Variants in ANKHD1 observed in about 807,000 individuals in gnomAD.
The protein encoded by ANKHD1 is ankyrin repeat and KH domain containing 1.
In ANKHD1, 31 loss-of-function variants were observed where a neutral mutation model predicts 230.5. That is an observed-to-expected ratio of 0.13 (90% confidence interval 0.10 to 0.18). The LOEUF (loss-of-function observed/expected upper bound fraction) is 0.18, where lower values mean the gene tolerates loss of function less well. ANKHD1 is among the 10% of genes least tolerant of loss of function. ANKHD1 has a pLI of 1.00. For missense variants in ANKHD1, 2,256 were observed against 3,071.3 expected (o/e 0.73, Z 6.27); for synonymous variants, 1,074 against 1,117.6 (o/e 0.96, Z 0.78).
chr5:140,468,444 A>G (rs1283229717), intron 10 of ANKHD1, among the ~76,000 whole-genome samples: 2 of 152,084 alleles, frequency 1.3e-5, no homozygotes, highest in African/African-American at 4.8e-5. Flanking sequence ...GGTAATTTAG[A>G]CATGGGTACA....
At chr5:140,451,755 G>T (rs1351655184) in intron 7 of ANKHD1, among the ~76,000 whole-genome samples, 2 of 152,090 alleles carry the variant, frequency 1.3e-5, no homozygotes, top group African/African-American at 2.4e-5. Flanking sequence ...CTATCTGTCT[G>T]CCTCAACTTC....
Position 140,472,182 on chromosome 5 carries a change from A to G in ANKHD1, c.1782+7406A>G. On this transcript the variant is annotated intron_variant, in intron 10 of 33. Coordinates refer to ENST00000360839, the MANE Select transcript of ANKHD1 (RefSeq NM_017747.3). ...TATCGGTCACAAGGTCTTCATGGCC[A>G]AATGTGATTTTCGTTTTTGGAATAA... 3 of 1,526,548 alleles carry G rather than the reference A, an allele frequency of 2.0e-6. No homozygotes were observed. The South Asian group carries it at 3.4e-5, about 17-fold the overall frequency. The allele number at this position is 1,526,548 out of a possible 1,614,324, so 94.6% of individuals were successfully genotyped here.
At position 140,449,249 on chromosome 5, in the gene ANKHD1, G is replaced by A. The variant is rs1351588092; in HGVS notation, c.1186G>A (p.Ala396Thr). ...GGTTCGCTTTCTACTTGAAGCTGGT[G>A]CAGATCAAGAGCACAAAACAGATGA... is the stretch of plus-strand genomic sequence containing the variant. The part of the protein sequence containing the change: ...DMVRFLLEAG[A>T]DQEHKTDEMH... Residue 396 changes from alanine (A) to threonine (T), a missense_variant, in exon 7 of 34, where the codon GCA becomes ACA. By Grantham distance (58) the Ala-to-Thr change is moderately conservative. Coordinates refer to ENST00000360839, the MANE Select transcript of ANKHD1 (RefSeq NM_017747.3). The A allele has an allele frequency of 6.2e-7, 1 of 1,613,358 alleles. No homozygotes were observed.
chr5:140,530,861 A>G (rs1479821387), intron 29 of ANKHD1, among the ~76,000 whole-genome samples: 1 of 152,234 alleles, frequency 6.6e-6, no homozygotes, highest in Non-Finnish European at 1.5e-5. Flanking sequence ...AAACTGACCT[A>G]TGTTGTTTAA....
chr5:140,493,591 C>T (rs949420259), intron 14 of ANKHD1, among the ~76,000 whole-genome samples: 7 of 152,122 alleles, frequency 4.6e-5, no homozygotes, highest in South Asian at 2.1e-4. Flanking sequence ...ACTAATTAGG[C>T]GACATTATCT....
chr5:140,513,830 A>AATT (rs1465410325), intron 24 of ANKHD1, among the ~76,000 whole-genome samples: 2 of 150,626 alleles, frequency 1.3e-5, no homozygotes, highest in African/African-American at 4.9e-5. Flanking sequence ...AAAAGAAAGA[A>AATT]ATTATTGAGG....
At chr5:140,510,697 ATACAT>A (rs1215195118) in intron 22 of ANKHD1, among the ~76,000 whole-genome samples, 1 of 152,158 alleles carries the variant, frequency 6.6e-6, no homozygotes, top group African/African-American at 2.4e-5. Context: ...ACTATTTGTG[ATACAT>A]TGTTCATGAA....
At chr5:140,469,477 A>T (rs530147284) in intron 10 of ANKHD1, among the ~76,000 whole-genome samples, 7 of 152,260 alleles carry the variant, frequency 4.6e-5, no homozygotes, top group Non-Finnish European at 1.0e-4. Flanking sequence ...ACTGCACTCC[A>T]GCCGGGGCAA....
In ANKHD1 at chr5:140,471,777, G is replaced by C. The variant is rs1328632607; in HGVS notation, c.1782+7001G>C. Among the ~76,000 whole-genome samples, 6 of 152,238 alleles carry C rather than the reference G, an allele frequency of 3.9e-5. No homozygotes were observed. The South Asian group carries it at 1.2e-3, about 32-fold the overall frequency. On this transcript the variant is annotated intron_variant, in intron 10 of 33. Transcript: ENST00000360839. The stretch of plus-strand genomic sequence containing the variant: ...TTTCTCAAGTTCTTTGAAGGTTCTT[G>C]TTTTAGTTGAAAAGTGGAAGCCTTA...
intron 7 of ANKHD1, among the ~76,000 whole-genome samples, chr5:140,452,377 T>C (rs1256434113): frequency 6.6e-6 from 1 of 152,138 alleles, no homozygotes; most frequent in Non-Finnish European, 1.5e-5. Flanking sequence ...GAGTAGTTGT[T>C]CTCCAAGCAC....
chr5:140,459,399 AAAT>A (rs1561756900), intron 9 of ANKHD1, 44 bp downstream of exon 9: 1 of 1,495,262 alleles, frequency 6.7e-7, no homozygotes. Flanking sequence ...AGACAAATAC[AAAT>A]AATAGTTTAT....
chr5:140,483,518 C>T (rs573782843), intron 11 of ANKHD1, among the ~76,000 whole-genome samples: 10 of 134,062 alleles, frequency 7.5e-5, no homozygotes, highest in South Asian at 2.2e-4. Flanking sequence ...AGTGCAATGG[C>T]GCCAACTTGG....
intron 6 of ANKHD1, 66 bp downstream of exon 6, chr5:140,446,041 G>T (rs1357286416): frequency 1.4e-6 from 2 of 1,408,848 alleles, no homozygotes; most frequent in Non-Finnish European, 1.9e-6. Flanking sequence ...TGAGTATTGA[G>T]TATTTGAGTT....
At chr5:140,529,918 C>G in intron 29 of ANKHD1, 122 bp downstream of exon 29, 1 of 1,400,042 alleles carries the variant, frequency 7.1e-7, no homozygotes, top group Non-Finnish European at 9.4e-7. Context: ...TTTAGATTCT[C>G]TCTATGATTT....
chr5:140,478,953 ATACT>A (rs1751113896), intron 10 of ANKHD1, among the ~76,000 whole-genome samples: 1 of 148,878 alleles, frequency 6.7e-6, no homozygotes, highest in African/African-American at 2.5e-5. Context: ...CAAGAAATAG[ATACT>A]TTCTTTCTTT....
At chr5:140,500,216 A>C (rs1045987793) in intron 15 of ANKHD1, among the ~76,000 whole-genome samples, 4 of 152,200 alleles carry the variant, frequency 2.6e-5, no homozygotes, top group Non-Finnish European at 5.9e-5. Flanking sequence ...AAAATCACCT[A>C]ATATCAATTT....
chr5:140,432,901 A>G (rs945529902), intron 1 of ANKHD1, among the ~76,000 whole-genome samples: 2 of 152,136 alleles, frequency 1.3e-5, no homozygotes, highest in African/African-American at 4.8e-5. Flanking sequence ...ACAAGATCTC[A>G]CTAGGTTCCC....
intron 10 of ANKHD1, among the ~76,000 whole-genome samples, chr5:140,478,831 A>G (rs1345371200): frequency 6.6e-6 from 1 of 151,234 alleles, no homozygotes; most frequent in East Asian, 2.0e-4. Flanking sequence ...TTTAGTAGAG[A>G]TAGGGTTTCT....
At chr5:140,427,122 C>T (rs1772500072) in intron 1 of ANKHD1, among the ~76,000 whole-genome samples, 1 of 151,602 alleles carries the variant, frequency 6.6e-6, no homozygotes, top group Non-Finnish European at 1.5e-5. Flanking sequence ...ACTTCCCGGA[C>T]GGGGCGGCTG....
Sources: gnomAD v4.1 joint callset for allele counts (sites outside exome capture counted in the v4.1 genomes callset) on GRCh38, gnomAD v4.1.1 for gene constraint, MANE v1.5 for transcripts, NCBI Gene and HGNC (gene_info 2026-07-23, HGNC 2026-07-21) for gene names.